Variants in DLGAP2 observed in about 807,000 individuals in gnomAD.
The protein encoded by DLGAP2 is DLG associated protein 2.
A neutral mutation model predicts 100.3 loss-of-function variants in DLGAP2; 26 were observed. The observed-to-expected ratio is 0.26, with a 90% CI of 0.19 to 0.36. DLGAP2 has a LOEUF of 0.36. DLGAP2 is among the 10% of genes least tolerant of loss of function. DLGAP2 has a pLI of 1.00. For synonymous variants in DLGAP2, 886 were observed against 630.1 expected (o/e 1.41, Z -6.08); for missense variants, 1,858 against 1,453.2 (o/e 1.28, Z -4.53).
At chr8:1,458,543 C>A (rs765308818) in intron 3 of DLGAP2, among the ~76,000 whole-genome samples, 1 of 152,180 alleles carries the variant, frequency 6.6e-6, no homozygotes, top group African/African-American at 2.4e-5. Flanking sequence ...AATAATGGTT[C>A]AGACTTCAGG....
At chr8:845,721 A>G (rs78048798) in intron 1 of DLGAP2, among the ~76,000 whole-genome samples, 7,556 of 152,252 alleles carry the variant, frequency 0.05, 309 homozygotes, top group African/African-American at 0.11. Flanking sequence ...TGTTGTATTT[A>G]AGATACCATT....
intron 12 of DLGAP2, among the ~76,000 whole-genome samples, chr8:1,681,635 C>A (rs1013402002): frequency 6.6e-6 from 1 of 152,106 alleles, no homozygotes; most frequent in South Asian, 2.1e-4. Context: ...CAGAACAAGA[C>A]CCTGTCTCAA....
At chr8:1,589,622 A>T (rs1171658346) in intron 6 of DLGAP2, among the ~76,000 whole-genome samples, 2 of 151,954 alleles carry the variant, frequency 1.3e-5, no homozygotes, top group Non-Finnish European at 2.9e-5. Context: ...TGTTTTTGTT[A>T]TTGTTTGTAG....
At chr8:878,695 G>C (rs938579238) in intron 1 of DLGAP2, among the ~76,000 whole-genome samples, 11 of 152,112 alleles carry the variant, frequency 7.2e-5, no homozygotes, top group African/African-American at 2.7e-4. Flanking sequence ...TCTCTCAGGA[G>C]TGAGTTCTCC....
chr8:1,455,626 C>A (rs979821869), intron 3 of DLGAP2, among the ~76,000 whole-genome samples: 3 of 152,252 alleles, frequency 2.0e-5, no homozygotes, highest in Admixed American at 1.3e-4. Context: ...GCTTGTCCTG[C>A]TGTCTCAGCC....
intron 2 of DLGAP2, among the ~76,000 whole-genome samples, chr8:1,191,597 G>A (rs1480573499): frequency 6.6e-6 from 1 of 152,178 alleles, no homozygotes; most frequent in Non-Finnish European, 1.5e-5. Flanking sequence ...CATAGAACAA[G>A]ACAGGCAGCC....
chr8:1,046,740 G>A (rs1029139884), intron 2 of DLGAP2, among the ~76,000 whole-genome samples: 1 of 152,170 alleles, frequency 6.6e-6, no homozygotes, highest in Non-Finnish European at 1.5e-5. Context: ...AATATAGTAT[G>A]ATCTCTCTTC....
intron 2 of DLGAP2, among the ~76,000 whole-genome samples, chr8:1,177,601 A>C (rs1295919088): frequency 6.6e-6 from 1 of 152,214 alleles, no homozygotes; most frequent in Non-Finnish European, 1.5e-5. Context: ...CCTCAGAGAA[A>C]ATAGGCAAAG....
chr8:1,525,446 T>C (rs1276833622), intron 4 of DLGAP2, among the ~76,000 whole-genome samples: 5 of 152,202 alleles, frequency 3.3e-5, no homozygotes, highest in African/African-American at 1.2e-4. Flanking sequence ...CAGTTATTGA[T>C]GGTGACCATC....
intron 6 of DLGAP2, among the ~76,000 whole-genome samples, chr8:1,622,803 A>G (rs1475416518): frequency 6.6e-6 from 1 of 152,220 alleles, no homozygotes; most frequent in Non-Finnish European, 1.5e-5. Context: ...AGGAATTACC[A>G]CTTAGAGAGA....
At chr8:1,181,521 A>G (rs1306161436) in intron 2 of DLGAP2, among the ~76,000 whole-genome samples, 1 of 152,040 alleles carries the variant, frequency 6.6e-6, no homozygotes, top group African/African-American at 2.4e-5. Flanking sequence ...GAGAGGGACA[A>G]CATACACAGT....
chr8:1,118,549 G>GGCTGCTGCTGCTGCT (rs367619218), intron 2 of DLGAP2, among the ~76,000 whole-genome samples: 17,588 of 151,658 alleles, frequency 0.12, 1,057 homozygotes, highest in East Asian at 0.19. Flanking sequence ...AAATGAATGG[G>GGCTGCTGCTGCTGCT]GCTGCTGCTG....
At chr8:1,202,132 T>TGG (rs966212586) in intron 2 of DLGAP2, among the ~76,000 whole-genome samples, 1 of 147,014 alleles carries the variant, frequency 6.8e-6, no homozygotes, top group Non-Finnish European at 1.5e-5. Context: ...TGTGTGTCTG[T>TGG]TGTGTGTGTA....
chr8:895,723 G>C (rs922640856), intron 1 of DLGAP2, among the ~76,000 whole-genome samples: 3 of 152,214 alleles, frequency 2.0e-5, no homozygotes, highest in Non-Finnish European at 2.9e-5. Flanking sequence ...TGCTGAACCA[G>C]TCAGGCTGCG....
chr8:1,590,167 G>A (rs183014875), intron 6 of DLGAP2, among the ~76,000 whole-genome samples: 27 of 152,178 alleles, frequency 1.8e-4, no homozygotes, highest in East Asian at 1.2e-3. Flanking sequence ...TGTCATCCTC[G>A]GAGCCCACTC....
At chr8:1,365,063 C>T (rs1802078195) in intron 3 of DLGAP2, among the ~76,000 whole-genome samples, 2 of 152,162 alleles carry the variant, frequency 1.3e-5, no homozygotes, top group Admixed American at 6.5e-5. Flanking sequence ...CTGAGATGAC[C>T]ATAGAGAAAC....
intron 2 of DLGAP2, among the ~76,000 whole-genome samples, chr8:1,093,550 C>G (rs563336635): frequency 4.0e-5 from 6 of 151,890 alleles, no homozygotes; most frequent in Non-Finnish European, 7.4e-5. Context: ...AACAGCCAGA[C>G]AGAAACACCC....
intron 3 of DLGAP2, among the ~76,000 whole-genome samples, chr8:1,344,351 G>A (rs183500849): frequency 1.4e-4 from 21 of 152,294 alleles, no homozygotes; most frequent in East Asian, 1.2e-3. Context: ...CTCACACCTC[G>A]CACATGGCCG....
chr8:1,212,730 C>A (rs547353032), intron 2 of DLGAP2, among the ~76,000 whole-genome samples: 3 of 151,612 alleles, frequency 2.0e-5, no homozygotes, highest in Admixed American at 1.3e-4. Context: ...TTTTCCAGTA[C>A]CTTTTTGCCA....
Sources: gnomAD v4.1 joint callset for allele counts (sites outside exome capture counted in the v4.1 genomes callset) on GRCh38, gnomAD v4.1.1 for gene constraint, MANE v1.5 for transcripts, NCBI Gene and HGNC (gene_info 2026-07-23, HGNC 2026-07-21) for gene names.